Variants in NCSTN observed in about 807,000 individuals in gnomAD.
The protein encoded by NCSTN is nicastrin.
Under a neutral mutation model 87.0 loss-of-function variants are expected in NCSTN, and 22 were observed. The ratio of observed to expected loss-of-function variants is 0.25; its 90% confidence interval spans 0.18 to 0.36. The LOEUF (loss-of-function observed/expected upper bound fraction) is 0.36, where lower values mean the gene tolerates loss of function less well. NCSTN is among the 10% of genes least tolerant of loss of function. The pLI is 1.00. For missense variants in NCSTN, 693 were observed against 883.3 expected, an observed-to-expected ratio of 0.78 and a Z score of 2.73; for synonymous variants, 306 against 327.1, an observed-to-expected ratio of 0.94 and a Z score of 0.69.
intron 10 of NCSTN, 181 bp downstream of exon 10, chr1:160,353,418 C>T (rs1648972352): frequency 6.7e-7 from 1 of 1,495,928 alleles, no homozygotes; most frequent in Non-Finnish European, 8.9e-7. Flanking sequence ...ATCAGGAACT[C>T]AGTGACATTC....
At chr1:160,352,235 G>A in intron 8 of NCSTN, 29 bp downstream of exon 8, 2 of 1,613,634 alleles carry the variant, frequency 1.2e-6, no homozygotes. Flanking sequence ...GGGTGCAATG[G>A]CAGGGAAGAA....
intron 12 of NCSTN, 45 bp from the exon 13 acceptor site, chr1:160,355,818 G>C (rs746011568): frequency 1.2e-6 from 2 of 1,602,704 alleles, no homozygotes; most frequent in South Asian, 1.1e-5. Context: ...TAGCATTTGA[G>C]GATAGGAGAG....
intron 2 of NCSTN, 69 bp downstream of exon 2, chr1:160,344,895 C>G: frequency 7.7e-7 from 1 of 1,306,496 alleles, no homozygotes; most frequent in South Asian, 1.2e-5. Flanking sequence ...AAGTAACATC[C>G]ATGTCCTGCT....
At position 160,353,166 on chromosome 1, in the gene NCSTN, T is replaced by C. The variant is rs1648958612; in HGVS notation, c.1108T>C (p.Leu370=). ...DSFVELGQVA[L]RTSLELWMHT... ...TTCTTCATCCTCCCCCCAGGTGGCCTTAAGAACTTCATTAGAGCTTTGGAT... is the reference window on the plus strand; with the variant it reads ...TTCTTCATCCTCCCCCCAGGTGGCCCTAAGAACTTCATTAGAGCTTTGGAT... Residue 370 remains leucine, a synonymous_variant, in exon 10 of 17, where the codon TTA becomes CTA. Transcript: ENST00000294785. 1.2e-6 allele frequency: 2 copies of C among 1,614,152 alleles called. No homozygotes were observed. The highest frequency in any genetic ancestry group is 1.7e-6 in the Non-Finnish European group (2 of 1,179,994).
chr1:160,351,202 G>A lies in NCSTN; in HGVS notation c.583-20G>A, dbSNP rs778254764. On this transcript the variant is annotated intron_variant, in intron 5 of 16. Coordinates refer to ENST00000294785, the MANE Select transcript of NCSTN (RefSeq NM_015331.3). Reference sequence around the variant, plus strand: ...CCTCCACAAACTAGCTGTCTCAGTGGGGTCCATCTCCCCTTTCAGTGCTAT... The same window carrying A: ...CCTCCACAAACTAGCTGTCTCAGTGAGGTCCATCTCCCCTTTCAGTGCTAT... The A allele has an allele frequency of 6.2e-7, 1 of 1,613,964 alleles. No homozygotes were observed. Among genetic ancestry groups the A allele is most frequent in the Non-Finnish European group, 8.5e-7 (1 of 1,179,964 alleles).
In NCSTN at chr1:160,350,259, A is replaced by AT. The variant is rs1164268629; in HGVS notation, c.582+9_582+10insT. 6.2e-7 allele frequency: 1 copy of AT among 1,613,674 alleles called. No individual in the cohort carries two copies. The highest frequency in any genetic ancestry group is 1.1e-5 in the South Asian group (1 of 91,054). On this transcript the variant is annotated intron_variant, in intron 5 of 16. Coordinates refer to ENST00000294785, the MANE Select transcript of NCSTN (RefSeq NM_015331.3). The stretch of plus-strand genomic sequence containing the variant: ...CCAAAGTCATCAAGCAGGTAATGAC[A>AT]CTGCCAGCTCCTAGCAATTCCAGTT...
chr1:160,350,088 C>A lies in NCSTN; in HGVS notation c.437-17C>A. ...GTCCCAGTAACCAGTCCCCCTATTC[C>A]CCATCCTTCCCTTCAGGTGTTTACT... On this transcript the variant is annotated splice_polypyrimidine_tract_variant and intron_variant, in intron 4 of 16. Coordinates refer to ENST00000294785, the MANE Select transcript of NCSTN (RefSeq NM_015331.3). 6.2e-7 allele frequency: 1 copy of A among 1,613,622 alleles called. No homozygotes were observed. The highest frequency in any genetic ancestry group is 8.5e-7 in the Non-Finnish European group (1 of 1,179,610).
chr1:160,348,333 G>A (rs535479803), intron 2 of NCSTN, among the ~76,000 whole-genome samples: 1 of 152,316 alleles, frequency 6.6e-6, no homozygotes, highest in South Asian at 2.1e-4. Context: ...AGAAATGGGT[G>A]ATATTTTCAG....
At chr1:160,344,367 G>A (rs895077568) in intron 1 of NCSTN, 8 of 1,068,640 alleles carry the variant, frequency 7.5e-6, no homozygotes, top group Non-Finnish European at 9.1e-6. Flanking sequence ...TAACCAATTA[G>A]TAATATACAT....
chr1:160,349,148 A>AG (rs1648691308), intron 3 of NCSTN, 26 bp downstream of exon 3: 1 of 1,613,664 alleles, frequency 6.2e-7, no homozygotes, highest in African/African-American at 1.3e-5. Context: ...ATCTGCTGGG[A>AG]AAACATCCAT....
In NCSTN at chr1:160,352,221, G is replaced by C. The variant is rs567210967; in HGVS notation, c.996+15G>C. ...TCTTTCAAGGGGTAAGGGCTCTTTG[G>C]CTGGGGTGCAATGGCAGGGAAGAAA... On this transcript the variant is annotated intron_variant, in intron 8 of 16. Transcript: ENST00000294785. 7 of 1,613,972 alleles carry C rather than the reference G, an allele frequency of 4.3e-6. No homozygotes were observed. The highest frequency in any genetic ancestry group is 1.7e-5 in the Admixed American group (1 of 60,010).
At chr1:160,354,894 G>A (rs78110462) in intron 11 of NCSTN, among the ~76,000 whole-genome samples, 4,253 of 152,142 alleles carry the variant, frequency 0.028, 84 homozygotes, top group East Asian at 0.081. Context: ...GCTTCCCGAG[G>A]GCCAAATGAG....
chr1:160,355,866 C>T lies in NCSTN; in HGVS notation c.1459C>T (p.Leu487=), dbSNP rs201564497. The change falls in exon 13 of 17, where the codon CTG becomes TTG. Residue 487 remains leucine, a synonymous_variant. Coordinates refer to ENST00000294785, the MANE Select transcript of NCSTN (RefSeq NM_015331.3). ...GCCCCCTCCTCACCTACCACAGGCCCTGGCAGATGTGGCCACGGTGCTGGG... is the reference window on the plus strand; with the variant it reads ...GCCCCCTCCTCACCTACCACAGGCCTTGGCAGATGTGGCCACGGTGCTGGG... ...LNFVTDTAKA[L]ADVATVLGRA... 6.2e-7 allele frequency: 1 copy of T among 1,614,090 alleles called. No individual in the cohort carries two copies.
chr1:160,358,407 C>G lies in NCSTN; in HGVS notation c.*136C>G, dbSNP rs1157102039. On this transcript the variant is annotated 3_prime_UTR_variant, in exon 17 of 17. Coordinates refer to ENST00000294785, the MANE Select transcript of NCSTN (RefSeq NM_015331.3). Reference sequence around the variant, plus strand: ...TTGGGATTAACATAAAAGAGTGGAACTATCCAAAAGAGACAGGGAGAAATA... The same window carrying G: ...TTGGGATTAACATAAAAGAGTGGAAGTATCCAAAAGAGACAGGGAGAAATA... 2 of 1,188,000 alleles carry G rather than the reference C, an allele frequency of 1.7e-6. No homozygotes were observed. The highest frequency in any genetic ancestry group is 1.5e-5 in the African/African-American group (1 of 66,506). The allele number at this position is 1,188,000 out of a possible 1,614,324, so 73.6% of individuals were successfully genotyped here.
At chr1:160,352,505 A>G (rs911468892) in intron 8 of NCSTN, among the ~76,000 whole-genome samples, 2 of 152,128 alleles carry the variant, frequency 1.3e-5, no homozygotes, top group Non-Finnish European at 1.5e-5. Flanking sequence ...CTTTACTGCT[A>G]TCTCCATCCA....
chr1:160,351,973 T>G, intron 7 of NCSTN, 81 bp from the exon 8 acceptor site: 1 of 1,560,818 alleles, frequency 6.4e-7, no homozygotes, highest in South Asian at 1.1e-5. Flanking sequence ...GACAGGTATA[T>G]TCTCTTGACT....
intron 2 of NCSTN, chr1:160,345,062 A>C (rs1648393332): frequency 1.7e-6 from 1 of 595,940 alleles, no homozygotes; most frequent in Non-Finnish European, 3.0e-6. Context: ...ACAACCCCAC[A>C]AAATAGGTCT....
In NCSTN at chr1:160,349,462, T is replaced by TC. The variant is rs753208178; in HGVS notation, c.315-83dup. 6 of 1,536,058 alleles carry TC rather than the reference T, an allele frequency of 3.9e-6. No individual in the cohort carries two copies. The East Asian group carries it at 1.3e-4, about 35-fold the overall frequency. ...AAGTCAACAGTTTGATTCCCCTAGT[T>TC]CCCCATTTGTTTCCATCCTGCAGGC... On this transcript the variant is annotated intron_variant, in intron 3 of 16. Transcript: ENST00000294785.
chr1:160,357,439 T>C (rs1384249823), intron 16 of NCSTN, among the ~76,000 whole-genome samples, 186 bp downstream of exon 16: 1 of 152,248 alleles, frequency 6.6e-6, no homozygotes, highest in Non-Finnish European at 1.5e-5. Context: ...AGTTTCATTC[T>C]TGTTGCTCAA....
Sources: allele counts gnomAD v4.1 joint callset (sites outside exome capture counted in the v4.1 genomes callset), GRCh38; gene constraint gnomAD v4.1.1; transcripts MANE v1.5; gene names NCBI Gene and HGNC (gene_info 2026-07-23, HGNC 2026-07-21).